TLL1: variants seen among roughly 807,000 people sequenced by gnomAD.
The protein encoded by TLL1 is tolloid like 1.
Under a neutral mutation model 128.2 loss-of-function variants are expected in TLL1, and 49 were observed. The observed-to-expected ratio is 0.38, with a 90% confidence interval of 0.30 to 0.48. TLL1 has a LOEUF of 0.48. TLL1 is among the 20% of genes least tolerant of loss of function. TLL1 has a pLI of 0.96. For missense variants in TLL1, 1,123 were observed against 1,242.0 expected (o/e 0.90, Z 1.44); for synonymous variants, 454 against 418.8 (o/e 1.08, Z -1.03).
At chr4:166,095,792 A>G (rs1741989354) in intron 19 of TLL1, among the ~76,000 whole-genome samples, 1 of 152,006 alleles carries the variant, frequency 6.6e-6, no homozygotes, top group South Asian at 2.1e-4. Flanking sequence ...TTCATTTTCC[A>G]TTTCTCAGAA....
At chr4:166,084,541 A>G (rs1468878468) in intron 18 of TLL1, among the ~76,000 whole-genome samples, 1 of 152,046 alleles carries the variant, frequency 6.6e-6, no homozygotes, top group African/African-American at 2.4e-5. Context: ...TCTTTAATTC[A>G]TTTAGAATTG....
chr4:165,894,810 T>A (rs1030139888), intron 1 of TLL1, among the ~76,000 whole-genome samples: 1 of 151,718 alleles, frequency 6.6e-6, no homozygotes, highest in Non-Finnish European at 1.5e-5. Context: ...CTGGAGTTTT[T>A]AATTAGGAAT....
intron 1 of TLL1, among the ~76,000 whole-genome samples, chr4:165,970,651 C>T (rs981139875): frequency 6.6e-5 from 10 of 152,196 alleles, no homozygotes; most frequent in African/African-American, 2.4e-4. Context: ...TTCCCGCATA[C>T]TCTAAAATAA....
At chr4:165,946,236 A>G (rs1217447089) in intron 1 of TLL1, among the ~76,000 whole-genome samples, 1 of 152,138 alleles carries the variant, frequency 6.6e-6, no homozygotes, top group Non-Finnish European at 1.5e-5. Context: ...AGCTCTGCTG[A>G]CACCTCAAGA....
chr4:165,955,128 G>C (rs867867160), intron 1 of TLL1, among the ~76,000 whole-genome samples: 5 of 152,060 alleles, frequency 3.3e-5, no homozygotes, highest in Admixed American at 2.6e-4. Flanking sequence ...TTTCATAATA[G>C]AGGTGGAATC....
At chr4:165,897,686 T>TTC (rs1731746331) in intron 1 of TLL1, among the ~76,000 whole-genome samples, 1 of 143,428 alleles carries the variant, frequency 7.0e-6, no homozygotes, top group Non-Finnish European at 1.5e-5. Flanking sequence ...TTTTTTTTTT[T>TTC]GCTTAGGATT....
chr4:166,015,025 A>G lies in TLL1; in HGVS notation c.1042+465A>G, dbSNP rs1426589768. Among the ~76,000 whole-genome samples the G allele has an allele frequency of 4.4e-5, 6 of 137,454 alleles. No individual in the cohort carries two copies. In the East Asian group the frequency reaches 1.2e-3, roughly 28 times the overall value. The allele number at this position is 137,454 out of a possible 152,430, so 90.2% of individuals were successfully genotyped here. ...AGTAGGAATTTATAACTTTGTTGTA[A>G]AAAAAAATGTTCTAACCGGTTGCAA... On this transcript the variant is annotated intron_variant, in intron 8 of 20. Coordinates refer to ENST00000061240, the MANE Select transcript of TLL1 (RefSeq NM_012464.5).
intron 15 of TLL1, among the ~76,000 whole-genome samples, chr4:166,065,374 G>A (rs568416883): frequency 6.6e-5 from 10 of 152,148 alleles, no homozygotes; most frequent in South Asian, 2.1e-4. Context: ...ACTGGACTAA[G>A]CCGAACTCCT....
At chr4:165,948,128 A>G (rs1209844732) in intron 1 of TLL1, among the ~76,000 whole-genome samples, 1 of 152,160 alleles carries the variant, frequency 6.6e-6, no homozygotes, top group Admixed American at 6.6e-5. Flanking sequence ...TATTTTGCTG[A>G]CCTGTACGTG....
chr4:165,927,399 C>T (rs1311498210), intron 1 of TLL1, among the ~76,000 whole-genome samples: 1 of 152,116 alleles, frequency 6.6e-6, no homozygotes, highest in Non-Finnish European at 1.5e-5. Flanking sequence ...TTTTTATGAA[C>T]TGGAAGTTTT....
intron 1 of TLL1, among the ~76,000 whole-genome samples, chr4:165,961,756 T>A (rs1735116076): frequency 6.6e-6 from 1 of 152,166 alleles, no homozygotes; most frequent in Non-Finnish European, 1.5e-5. Context: ...TGTGGATAAC[T>A]GGCTAGCCAT....
chr4:166,087,434 T>G (rs941763718), intron 18 of TLL1, among the ~76,000 whole-genome samples: 8 of 152,136 alleles, frequency 5.3e-5, no homozygotes, highest in Non-Finnish European at 1.2e-4. Flanking sequence ...ATGACGCCAT[T>G]TTTTTCCAGT....
chr4:166,048,942 A>C (rs1027778639), intron 12 of TLL1, among the ~76,000 whole-genome samples: 2 of 152,216 alleles, frequency 1.3e-5, no homozygotes, highest in African/African-American at 4.8e-5. Flanking sequence ...GGTACTTGGT[A>C]GATTGCTTGT....
At position 166,057,242 on chromosome 4, in the gene TLL1, T is replaced by C. The variant is rs766696580; in HGVS notation, c.1779T>C (p.Thr593=). The C allele has an allele frequency of 2.5e-5, 40 of 1,613,830 alleles. No individual in the cohort carries two copies. The highest frequency in any genetic ancestry group is 1.6e-4 in the Middle Eastern group (1 of 6,080). Residue 593 remains threonine (T), a synonymous_variant, in exon 14 of 21, where the codon ACT becomes ACC. Coordinates refer to ENST00000061240, the MANE Select transcript of TLL1 (RefSeq NM_012464.5). ...RGGCEQRCLN[T]LGSYQCACEP... Reference sequence around the variant, plus strand: ...GCTGTGAGCAGCGATGTCTGAACACTCTGGGCAGTTACCAGTGTGCCTGTG... The same window carrying C: ...GCTGTGAGCAGCGATGTCTGAACACCCTGGGCAGTTACCAGTGTGCCTGTG...
At chr4:165,949,355 C>G (rs1338132202) in intron 1 of TLL1, among the ~76,000 whole-genome samples, 1 of 152,098 alleles carries the variant, frequency 6.6e-6, no homozygotes, top group African/African-American at 2.4e-5. Context: ...TGTAGCCCTA[C>G]TAATACCTTG....
chr4:166,074,729 C>A, intron 16 of TLL1, 149 bp from the exon 17 acceptor site: 1 of 914,350 alleles, frequency 1.1e-6, no homozygotes, highest in Non-Finnish European at 1.7e-6. Flanking sequence ...ACTAAGAGAT[C>A]ATACATTTTT....
intron 1 of TLL1, among the ~76,000 whole-genome samples, chr4:165,934,874 A>C (rs1733695779): frequency 2.0e-5 from 3 of 152,214 alleles, no homozygotes; most frequent in Admixed American, 2.0e-4. Context: ...AATCATAGAA[A>C]TTGGAGTAAA....
intron 1 of TLL1, among the ~76,000 whole-genome samples, chr4:165,907,947 A>C (rs1732345143): frequency 2.0e-5 from 3 of 152,236 alleles, no homozygotes. Flanking sequence ...TGTTTCCAAC[A>C]AACACTGCTA....
chr4:165,942,602 A>T (rs1375589064), intron 1 of TLL1, among the ~76,000 whole-genome samples: 2 of 149,424 alleles, frequency 1.3e-5, no homozygotes, highest in African/African-American at 4.9e-5. Flanking sequence ...ATGTGTGTGT[A>T]TATATTTTAC....
Sources: gnomAD v4.1 joint callset for allele counts (sites outside exome capture counted in the v4.1 genomes callset) on GRCh38, gnomAD v4.1.1 for gene constraint, MANE v1.5 for transcripts, NCBI Gene and HGNC (gene_info 2026-07-23, HGNC 2026-07-21) for gene names.